SLFN12L: variants seen among roughly 807,000 people sequenced by gnomAD.
SLFN12L encodes schlafen family member 12-like.
A neutral mutation model predicts 34.8 loss-of-function variants in SLFN12L; 34 were observed. The observed-to-expected ratio is 0.98, with a 90% confidence interval of 0.74 to 1.30. The LOEUF is 1.30. Ranked by LOEUF, SLFN12L falls within the 50% of genes most tolerant of loss-of-function variation. SLFN12L has a pLI of 0.00. For synonymous variants in SLFN12L, 259 were observed against 247.5 expected (o/e 1.05, Z -0.44); for missense variants, 703 against 696.2 (o/e 1.01, Z -0.11).
chr17:35,531,648 C>T (rs1475865400), intron 1 of SLFN12L, among the ~76,000 whole-genome samples: 1 of 151,906 alleles, frequency 6.6e-6, no homozygotes, highest in Non-Finnish European at 1.5e-5. Flanking sequence ...TGGAGTTTCA[C>T]TCTTGTTGCC....
chr17:35,479,784 G>A lies in SLFN12L; in HGVS notation c.498C>T (p.Ser166=). The part of the protein sequence containing the change: ...TSGPQIATLS[S]SLYKRDVTSA... ...ACGTTACATCTCTCTTGTACAAACT[G>A]GAGCTCAACGTGGCAATCTGCGGAC... Residue 166 remains serine (S), a synonymous_variant, in exon 3 of 5, where the codon TCC becomes TCT. Transcript: ENST00000628453. The A allele has an allele frequency of 1.2e-6, 2 of 1,613,386 alleles. No individual in the cohort carries two copies. Among genetic ancestry groups the A allele is most frequent in the South Asian group, 1.1e-5 (1 of 90,980 alleles).
intron 1 of SLFN12L, among the ~76,000 whole-genome samples, chr17:35,530,842 G>A (rs142858532): frequency 0.011 from 1,669 of 152,228 alleles, 21 homozygotes; most frequent in South Asian, 0.073. Flanking sequence ...CGTGCATGCC[G>A]TGAAAACATT....
rs910219716 is a variant in SLFN12L at position 35,475,583 on chromosome 17, A to C, written c.1277-98T>G. 6.3e-5 allele frequency: 91 copies of C among 1,442,090 alleles called. No homozygotes were observed. In the African/African-American group the frequency reaches 1.2e-3, roughly 19 times the overall value. The allele number at this position is 1,442,090 out of a possible 1,614,324, so 89.3% of individuals were successfully genotyped here. A position where few individuals can be genotyped will look rare whatever the true frequency, so the allele number is the denominator to read the frequency against. On this transcript the variant is annotated intron_variant, in intron 4 of 4. Coordinates refer to ENST00000628453, the MANE Select transcript of SLFN12L (RefSeq NM_001363830.2). The stretch of plus-strand genomic sequence containing the variant: ...TGTATTAGATTAATTCTCCCACCAA[A>C]AGCAACTATAAAAGCTATGTAAAAG...
At chr17:35,482,041 T>A (rs754412663) in intron 2 of SLFN12L, among the ~76,000 whole-genome samples, 2 of 152,138 alleles carry the variant, frequency 1.3e-5, no homozygotes, top group Non-Finnish European at 2.9e-5. Context: ...TTTGTATTTT[T>A]AGTAGAGACA....
rs80310291 is a variant in SLFN12L, at chr17:35,475,045, T to C, written c.1717A>G (p.Met573Val). ...GAAAGGGCCTTTTCCAAGTCTTTCA[T>C]TGTTTGAGCTGTTGTCCAATAGTAG... The part of the protein sequence containing the change: ...ESYYWTTAQT[M>V]KDLEKALSNI... Residue 573 changes from methionine (M) to valine (V), a missense_variant, in exon 5 of 5, where the codon ATG becomes GTG. Coordinates refer to ENST00000628453, the MANE Select transcript of SLFN12L (RefSeq NM_001363830.2). 2.5e-6 allele frequency: 4 copies of C among 1,611,870 alleles called. No individual in the cohort carries two copies. Among genetic ancestry groups the C allele is most frequent in the East Asian group, 2.2e-5 (1 of 44,814 alleles).
chr17:35,520,957 C>A (rs576743779), intron 2 of SLFN12L, among the ~76,000 whole-genome samples: 1 of 152,184 alleles, frequency 6.6e-6, no homozygotes, highest in East Asian at 1.9e-4. Flanking sequence ...GTCTAAGCTT[C>A]CCCCCAATCA....
rs1248862914 is a variant in SLFN12L at position 35,512,291 on chromosome 17, C to T, written c.86+9988G>A. On this transcript the variant is annotated intron_variant, in intron 2 of 4. Transcript: ENST00000628453. ...TACCTCAGGGACTTGGTTCTATCAC[C>T]CGGTAAACTTAAGATGGGAACAGAA... Among the ~76,000 whole-genome samples the T allele has an allele frequency of 3.4e-5, 5 of 144,974 alleles. No individual in the cohort carries two copies. The East Asian group carries it at 1.1e-3, about 33-fold the overall frequency.
chr17:35,490,012 G>A (rs1914767230), intron 2 of SLFN12L: 3 of 1,592,740 alleles, frequency 1.9e-6, no homozygotes, highest in African/African-American at 1.3e-5. Context: ...CCGACATCCA[G>A]ATCCTCACCA....
At chr17:35,534,219 G>A (rs904632916) in intron 1 of SLFN12L, among the ~76,000 whole-genome samples, 6 of 151,486 alleles carry the variant, frequency 4.0e-5, no homozygotes, top group South Asian at 2.1e-4. Flanking sequence ...AAAATTAGCC[G>A]GGCATGGTGG....
chr17:35,497,448 A>G (rs1915130937), intron 2 of SLFN12L, among the ~76,000 whole-genome samples: 2 of 152,050 alleles, frequency 1.3e-5, no homozygotes, highest in South Asian at 4.1e-4. Flanking sequence ...TTAAAAAAGC[A>G]AAAAACAAAA....
At chr17:35,518,305 AT>A (rs1915896193) in intron 2 of SLFN12L, among the ~76,000 whole-genome samples, 1 of 152,242 alleles carries the variant, frequency 6.6e-6, no homozygotes, top group Admixed American at 6.5e-5. Flanking sequence ...TAATCCCAGC[AT>A]TTTGGGATGC....
At chr17:35,510,205 T>C (rs904660297) in intron 2 of SLFN12L, 2 of 152,228 alleles carry the variant, frequency 1.3e-5, no homozygotes, top group African/African-American at 4.8e-5. Flanking sequence ...ATACAATATT[T>C]CAGCAGTATT....
At chr17:35,501,085 G>A (rs1915279318) in intron 2 of SLFN12L, among the ~76,000 whole-genome samples, 1 of 152,234 alleles carries the variant, frequency 6.6e-6, no homozygotes, top group African/African-American at 2.4e-5. Flanking sequence ...TTGGTATTCT[G>A]ACCAGAAAGC....
chr17:35,524,509 G>A lies in SLFN12L; in HGVS notation c.-605-1540C>T, dbSNP rs139530391. Among the ~76,000 whole-genome samples, 1,510 of 152,340 alleles carry A rather than the reference G, an allele frequency of 9.9e-3. 11 individuals are homozygous for A. Among genetic ancestry groups the A allele is most frequent in the South Asian group, 0.044 (210 of 4,822 alleles). ...CATCTGGTGGGTGCCCCTCTGGCAC[G>A]AAGCTTCCAAAGGAAAGAACAGGCA... On this transcript the variant is annotated intron_variant, in intron 1 of 4. Transcript: ENST00000628453.
intron 1 of SLFN12L, among the ~76,000 whole-genome samples, chr17:35,529,287 C>T (rs553085456): frequency 6.6e-6 from 1 of 152,310 alleles, no homozygotes; most frequent in East Asian, 1.9e-4. Context: ...GACAGTGTGG[C>T]AATTCCTCAA....
chr17:35,532,809 C>A (rs921354989), intron 1 of SLFN12L, among the ~76,000 whole-genome samples: 3 of 152,124 alleles, frequency 2.0e-5, no homozygotes, highest in Non-Finnish European at 2.9e-5. Flanking sequence ...AGGAGAATCA[C>A]TAGAACCCAG....
At chr17:35,501,435 G>A (rs1354768441) in intron 2 of SLFN12L, among the ~76,000 whole-genome samples, 4 of 152,192 alleles carry the variant, frequency 2.6e-5, no homozygotes, top group Non-Finnish European at 5.9e-5. Context: ...TTTTGTTTTT[G>A]ACTTGACTTG....
In SLFN12L at chr17:35,480,127, T is replaced by A; in HGVS notation, c.155A>T (p.Asn52Ile). 6.2e-7 allele frequency: 1 copy of A among 1,613,344 alleles called. No individual in the cohort carries two copies. The highest frequency in any genetic ancestry group is 8.5e-7 in the Non-Finnish European group (1 of 1,179,794). The change falls in exon 3 of 5, where the codon AAC becomes ATC. Residue 52 changes from asparagine to isoleucine, a missense_variant. Asn to Ile is a moderately radical substitution (Grantham distance 149). Coordinates refer to ENST00000628453, the MANE Select transcript of SLFN12L (RefSeq NM_001363830.2). ...CACATTTAGAACCAGCTCAGCATAG[T>A]TTGTGTCTAAATCAATACTGATGTT... ...KMNISIDLDT[N>I]YAELVLNVGR... is the part of the protein sequence containing the mutation.
chr17:35,490,579 A>C, intron 2 of SLFN12L: 2 of 821,698 alleles, frequency 2.4e-6, no homozygotes, highest in Middle Eastern at 4.5e-4. Flanking sequence ...GGGCATGCTG[A>C]CCCAGTGTCA....
Sources: allele counts gnomAD v4.1 joint callset (sites outside exome capture counted in the v4.1 genomes callset), GRCh38; gene constraint gnomAD v4.1.1; transcripts MANE v1.5; gene names NCBI Gene and HGNC (gene_info 2026-07-23, HGNC 2026-07-21).